Variants in LGSN observed in about 807,000 individuals in gnomAD.
The protein encoded by LGSN is lengsin.
LGSN carries 21 observed loss-of-function variants against 19.5 expected under a neutral mutation model. The ratio of observed to expected loss-of-function variants is 1.07; its 90% CI spans 0.76 to 1.55. The LOEUF (loss-of-function observed/expected upper bound fraction) is 1.55, where lower values mean the gene tolerates loss of function less well. Ranked by LOEUF, LGSN falls within the 40% of genes most tolerant of loss-of-function variation. The pLI is 0.00. For missense variants in LGSN, 673 were observed against 608.5 expected, an observed-to-expected ratio of 1.11 and a Z score of -1.12; for synonymous variants, 257 against 215.6, an observed-to-expected ratio of 1.19 and a Z score of -1.68.
the LGSN span, among the ~76,000 whole-genome samples, chr6:63,519,074 A>G: frequency 2.0e-5 from 3 of 152,150 alleles, no homozygotes; most frequent in Admixed American, 6.5e-5. Context: ...CAACACTTTG[A>G]GAGGCCAAGG....
the LGSN span, among the ~76,000 whole-genome samples, chr6:63,475,983 C>T: frequency 1.3e-5 from 2 of 152,140 alleles, no homozygotes; most frequent in African/African-American, 4.8e-5. Flanking sequence ...GTACTGACCC[C>T]TTCTGTCTAA....
the LGSN span, among the ~76,000 whole-genome samples, chr6:63,470,485 A>AAG: frequency 2.0e-5 from 3 of 151,662 alleles, no homozygotes; most frequent in African/African-American, 7.3e-5. Flanking sequence ...TCAAAAAAAA[A>AAG]AAAGAAAGAA....
the LGSN span, among the ~76,000 whole-genome samples, chr6:63,489,355 G>A: frequency 6.6e-6 from 1 of 152,218 alleles, no homozygotes; most frequent in African/African-American, 2.4e-5. Context: ...CTACTTGTCT[G>A]TATTTTATTG....
the LGSN span, among the ~76,000 whole-genome samples, chr6:63,498,013 G>A: frequency 6.8e-6 from 1 of 146,446 alleles, no homozygotes; most frequent in Admixed American, 7.1e-5. Flanking sequence ...CTGCCTCCCG[G>A]GTTCAAGCGA....
At chr6:63,423,984 G>A in the LGSN span, among the ~76,000 whole-genome samples, 3,667 of 152,228 alleles carry the variant, frequency 0.024, 144 homozygotes, top group African/African-American at 0.084. Flanking sequence ...AGGTTGCAGT[G>A]AGCCAAGATC....
chr6:63,296,297 T>C (rs1479665813), intron 1 of LGSN, among the ~76,000 whole-genome samples: 1 of 151,746 alleles, frequency 6.6e-6, no homozygotes, highest in African/African-American at 2.4e-5. Flanking sequence ...TGATACTTAA[T>C]ATATAATAAT....
At chr6:63,571,085 T>G in the LGSN span, 1 of 152,208 alleles carries the variant, frequency 6.6e-6, no homozygotes, top group Non-Finnish European at 1.5e-5. Context: ...TGGATTAAAA[T>G]GTGTCGTAGG....
the LGSN span, among the ~76,000 whole-genome samples, chr6:63,520,630 C>CAAATAAAT: frequency 0.053 from 7,311 of 138,988 alleles, 248 homozygotes; most frequent in African/African-American, 0.075. Context: ...GACTCTGTCT[C>CAAATAAAT]AAATAAATAA....
the LGSN span, among the ~76,000 whole-genome samples, chr6:63,475,968 G>A: frequency 6.6e-6 from 1 of 152,176 alleles, no homozygotes; most frequent in African/African-American, 2.4e-5. Context: ...GTTCAAGCAG[G>A]CAGAGTACTG....
chr6:63,334,533 G>A, the LGSN span, among the ~76,000 whole-genome samples: 1 of 152,118 alleles, frequency 6.6e-6, no homozygotes. Flanking sequence ...TGACCACACT[G>A]CCCAAAGCAA....
At chr6:63,470,517 A>G in the LGSN span, among the ~76,000 whole-genome samples, 2 of 152,072 alleles carry the variant, frequency 1.3e-5, no homozygotes, top group South Asian at 4.1e-4. Context: ...ACTTATTTAT[A>G]TGCTCTGGGA....
chr6:63,389,376 T>C, the LGSN span, among the ~76,000 whole-genome samples: 2 of 152,254 alleles, frequency 1.3e-5, no homozygotes, highest in East Asian at 3.8e-4. Context: ...TGTGTTTCTA[T>C]GTGTTCATTC....
the LGSN span, among the ~76,000 whole-genome samples, chr6:63,533,101 G>T: frequency 6.6e-6 from 1 of 152,090 alleles, no homozygotes. Flanking sequence ...AAACAATAAG[G>T]CTGGGCGAGG....
chr6:63,524,690 GTTAT>G, the LGSN span, among the ~76,000 whole-genome samples: 1 of 152,064 alleles, frequency 6.6e-6, no homozygotes, highest in Non-Finnish European at 1.5e-5. Flanking sequence ...AATGCAAAGT[GTTAT>G]TTCTTTTCTT....
chr6:63,365,711 C>T, the LGSN span, among the ~76,000 whole-genome samples: 1 of 152,146 alleles, frequency 6.6e-6, no homozygotes, highest in Non-Finnish European at 1.5e-5. Context: ...AAACTGAATC[C>T]AGCAGCACAT....
At chr6:63,345,660 TGC>T in the LGSN span, among the ~76,000 whole-genome samples, 1 of 152,184 alleles carries the variant, frequency 6.6e-6, no homozygotes, top group Non-Finnish European at 1.5e-5. Context: ...TAGGTGGTCA[TGC>T]CCCTCACTTT....
chr6:63,417,514 A>C, the LGSN span, among the ~76,000 whole-genome samples: 864 of 152,300 alleles, frequency 5.7e-3, 5 homozygotes, highest in Non-Finnish European at 8.9e-3. Context: ...TTACCTGATT[A>C]ATAACTTTAC....
the LGSN span, among the ~76,000 whole-genome samples, chr6:63,459,274 TTCTG>T: frequency 7.2e-5 from 11 of 152,310 alleles, no homozygotes; most frequent in Admixed American, 7.2e-4. Flanking sequence ...AATACTCCAA[TTCTG>T]TCTATGAACT....
At chr6:63,328,063 A>G in the LGSN span, among the ~76,000 whole-genome samples, 6 of 152,202 alleles carry the variant, frequency 3.9e-5, no homozygotes, top group African/African-American at 1.2e-4. Flanking sequence ...CTGTATACAC[A>G]TTTATTCTTT....
Sources: allele counts gnomAD v4.1 joint callset (sites outside exome capture counted in the v4.1 genomes callset), GRCh38; gene constraint gnomAD v4.1.1; transcripts MANE v1.5; gene names NCBI Gene and HGNC (gene_info 2026-07-23, HGNC 2026-07-21).